NBAS: variants seen among roughly 807,000 people sequenced by gnomAD.
NBAS encodes NAG/BC035112 fusion.
In NBAS, 219 loss-of-function variants were observed where a neutral mutation model predicts 302.5. The observed-to-expected ratio is 0.72, with a 90% CI of 0.65 to 0.81. The LOEUF is 0.81. NBAS is among the 30% of genes least tolerant of loss of function. The pLI is 0.00. For missense variants in NBAS, 2,932 were observed against 2,841.6 expected (o/e 1.03, Z -0.72); for synonymous variants, 1,118 against 1,021.6 (o/e 1.09, Z -1.80).
chr2:15,234,354 T>A (rs1475216027), intron 46 of NBAS, among the ~76,000 whole-genome samples, 191 bp downstream of exon 46: 4 of 152,206 alleles, frequency 2.6e-5, no homozygotes, highest in Non-Finnish European at 4.4e-5. Context: ...TTATACACAA[T>A]ACCAACAATG....
At chr2:14,806,169 T>C in the NBAS span, among the ~76,000 whole-genome samples, 73 of 152,312 alleles carry the variant, frequency 4.8e-4, 1 homozygote, top group African/African-American at 9.1e-4. Context: ...GCTTCATTTC[T>C]AACAAGTTCC....
the NBAS span, among the ~76,000 whole-genome samples, chr2:14,785,824 T>A: frequency 6.6e-6 from 1 of 152,234 alleles, no homozygotes. Flanking sequence ...ATCAGGATGA[T>A]GCTGGCCTCA....
intron 48 of NBAS, among the ~76,000 whole-genome samples, chr2:15,198,640 T>C (rs1462359100): frequency 6.6e-6 from 1 of 152,188 alleles, no homozygotes; most frequent in Non-Finnish European, 1.5e-5. Context: ...TTGAAAATAC[T>C]GATGCCAGTT....
the NBAS span, among the ~76,000 whole-genome samples, chr2:14,851,484 C>T: frequency 6.8e-6 from 1 of 146,422 alleles, no homozygotes; most frequent in Non-Finnish European, 1.5e-5. Context: ...GATTCACAGC[C>T]GAATTCTACC....
chr2:15,424,221 G>T, intron 23 of NBAS, 94 bp downstream of exon 23: 1 of 1,362,452 alleles, frequency 7.3e-7, no homozygotes, highest in South Asian at 1.2e-5. Context: ...CATGATTCCT[G>T]CACTGCTGTC....
At chr2:14,956,065 C>A in the NBAS span, among the ~76,000 whole-genome samples, 4 of 152,170 alleles carry the variant, frequency 2.6e-5, no homozygotes, top group Non-Finnish European at 5.9e-5. Flanking sequence ...TTAGAAATTT[C>A]TTTCACCAGA....
intron 9 of NBAS, among the ~76,000 whole-genome samples, chr2:15,528,650 C>G (rs1663052821): frequency 6.7e-6 from 1 of 148,670 alleles, no homozygotes; most frequent in Non-Finnish European, 1.5e-5. Flanking sequence ...GGAGGATGAC[C>G]TGAGGTCAGG....
chr2:15,050,372 C>T, the NBAS span, among the ~76,000 whole-genome samples: 3 of 151,602 alleles, frequency 2.0e-5, no homozygotes, highest in East Asian at 5.8e-4. Flanking sequence ...ATCCAAAACC[C>T]TTGTGGCTTC....
chr2:14,823,809 G>C, the NBAS span, among the ~76,000 whole-genome samples: 1 of 152,086 alleles, frequency 6.6e-6, no homozygotes, highest in Non-Finnish European at 1.5e-5. Flanking sequence ...GGTTTAAAAA[G>C]GGAATTTGAA....
the NBAS span, among the ~76,000 whole-genome samples, chr2:15,093,601 C>A: frequency 6.6e-6 from 1 of 152,214 alleles, no homozygotes; most frequent in Non-Finnish European, 1.5e-5. Flanking sequence ...CTAGGAAATT[C>A]GCCAGCAATG....
chr2:15,016,364 C>G, the NBAS span, among the ~76,000 whole-genome samples: 3 of 152,094 alleles, frequency 2.0e-5, no homozygotes, highest in African/African-American at 7.2e-5. Context: ...ATGGGAGCTA[C>G]AGTTTGGTTG....
the NBAS span, among the ~76,000 whole-genome samples, chr2:14,859,416 G>T: frequency 2.0e-5 from 3 of 151,824 alleles, no homozygotes; most frequent in Non-Finnish European, 2.9e-5. Flanking sequence ...AAATATGGAG[G>T]TATCACACTA....
Position 15,298,864 on chromosome 2 carries a change from C to T in NBAS, c.4798-6098G>A, listed in dbSNP as rs149885262. Among the ~76,000 whole-genome samples, 640 of 152,280 alleles carry T rather than the reference C, an allele frequency of 4.2e-3. 4 individuals are homozygous for T. The highest frequency in any genetic ancestry group is 6.3e-3 in the Non-Finnish European group (426 of 68,022). On this transcript the variant is annotated intron_variant, in intron 40 of 51. Transcript: ENST00000281513. Reference sequence around the variant, plus strand: ...AACACTGTTTCTTGTTTTAGAGACACGCCCATTTGTAGTTGAAGCATCCGG... The same window carrying T: ...AACACTGTTTCTTGTTTTAGAGACATGCCCATTTGTAGTTGAAGCATCCGG...
chr2:15,033,491 G>A, the NBAS span, among the ~76,000 whole-genome samples: 4 of 152,138 alleles, frequency 2.6e-5, no homozygotes, highest in Admixed American at 6.5e-5. Flanking sequence ...TATTTTGGAC[G>A]TGAGAAGGAC....
chr2:15,287,039 T>C (rs1670072310), intron 42 of NBAS, 34 bp downstream of exon 42: 2 of 1,506,298 alleles, frequency 1.3e-6, no homozygotes, highest in Non-Finnish European at 9.2e-7. Flanking sequence ...AAGAAAGACA[T>C]GGAAACAAAC....
chr2:15,424,568 GAGAC>G (rs1283904786), intron 22 of NBAS, 100 bp from the exon 23 acceptor site: 7 of 1,332,162 alleles, frequency 5.3e-6, no homozygotes, highest in Non-Finnish European at 6.4e-6. Context: ...GAGAAAGTAA[GAGAC>G]AGGGAGCATA....
At chr2:15,382,506 T>A (rs1297794362) in intron 29 of NBAS, among the ~76,000 whole-genome samples, 1 of 152,190 alleles carries the variant, frequency 6.6e-6, no homozygotes, top group African/African-American at 2.4e-5. Context: ...AGTTCTGAAC[T>A]TTTATTAGGA....
At chr2:15,047,047 G>A in the NBAS span, among the ~76,000 whole-genome samples, 1 of 152,228 alleles carries the variant, frequency 6.6e-6, no homozygotes. Context: ...GAGCAGCAGA[G>A]ATGTTTCCTA....
intron 26 of NBAS, chr2:15,397,541 C>T (rs1326090129): frequency 4.9e-6 from 3 of 609,288 alleles, no homozygotes; most frequent in South Asian, 3.0e-5. Context: ...GACTATTTTG[C>T]TGTGAATTGC....
Sources: gnomAD v4.1 joint callset for allele counts (sites outside exome capture counted in the v4.1 genomes callset) on GRCh38, gnomAD v4.1.1 for gene constraint, MANE v1.5 for transcripts, NCBI Gene and HGNC (gene_info 2026-07-23, HGNC 2026-07-21) for gene names.